EML6: variants seen among roughly 807,000 people sequenced by gnomAD.
EML6 encodes the protein echinoderm microtubule-associated protein-like 6.
EML6 carries 154 observed loss-of-function variants against 240.1 expected under a neutral mutation model. The observed-to-expected ratio is 0.64, with a 90% CI of 0.56 to 0.73. The LOEUF (loss-of-function observed/expected upper bound fraction) is 0.73. EML6 is among the 30% of genes least tolerant of loss of function. The pLI is 0.00. For synonymous variants in EML6, 1,148 were observed against 899.0 expected, an observed-to-expected ratio of 1.28 and a Z score of -4.95; for missense variants, 2,964 against 2,474.6, an observed-to-expected ratio of 1.20 and a Z score of -4.20.
chr2:54,899,515 A>T, intron 21 of EML6, 126 bp from the exon 22 acceptor site: 2 of 939,866 alleles, frequency 2.1e-6, no homozygotes, highest in African/African-American at 3.4e-5. Flanking sequence ...AGGAAGCTCA[A>T]AGTGTGTTTA....
rs1235007190 is a variant in EML6, at chr2:54,963,973, T to C, written c.5158-13T>C. 3 of 1,543,468 alleles carry C rather than the reference T, an allele frequency of 1.9e-6. No individual in the cohort carries two copies. The Admixed American group carries it at 6.1e-5, about 31-fold the overall frequency. Reference sequence around the variant, plus strand: ...GCCAAGAGCTCAGGTGACTTTCCTTTGCATCAATGTAGAAGCTGTTAAACA... The same window carrying C: ...GCCAAGAGCTCAGGTGACTTTCCTTCGCATCAATGTAGAAGCTGTTAAACA... On this transcript the variant is annotated splice_polypyrimidine_tract_variant and intron_variant, in intron 36 of 41. Transcript: ENST00000356458.
In EML6 at chr2:54,970,224, CA is replaced by C; in HGVS notation, c.*133del. 1.2e-6 allele frequency: 1 copy of C among 864,480 alleles called. No homozygotes were observed. Among genetic ancestry groups the C allele is most frequent in the Admixed American group, 2.1e-5 (1 of 48,744 alleles). 53.6% of individuals were successfully genotyped at this position (864,480 alleles called of 1,614,324 possible). A position where few individuals can be genotyped will look rare whatever the true frequency, so the allele number is the denominator to read the frequency against. ...CCATGCTGCCCCGGATGCACAAGCT[CA>C]AAACGCTGCAGAAGTTACACAACTG... On this transcript the variant is annotated 3_prime_UTR_variant, in exon 42 of 42. Transcript: ENST00000356458.
intron 28 of EML6, among the ~76,000 whole-genome samples, chr2:54,945,418 A>G (rs1486561256): frequency 6.6e-6 from 1 of 151,654 alleles, no homozygotes; most frequent in Non-Finnish European, 1.5e-5. Context: ...ACATTGTCTG[A>G]TGAACACGAC....
At chr2:54,792,774 T>TATAGAAATACGAC (rs1669523671) in intron 2 of EML6, among the ~76,000 whole-genome samples, 1 of 152,236 alleles carries the variant, frequency 6.6e-6, no homozygotes, top group African/African-American at 2.4e-5. Context: ...AGAAATACGC[T>TATAGAAATACGAC]ATAGAAATAC....
At chr2:54,833,333 A>G (rs116517750) in intron 7 of EML6, among the ~76,000 whole-genome samples, 3 of 152,238 alleles carry the variant, frequency 2.0e-5, no homozygotes, top group African/African-American at 7.2e-5. Flanking sequence ...CAAGATTGGC[A>G]TACATTTGCA....
At chr2:54,856,737 C>G (rs972044068) in intron 11 of EML6, among the ~76,000 whole-genome samples, 1 of 152,200 alleles carries the variant, frequency 6.6e-6, no homozygotes, top group African/African-American at 2.4e-5. Flanking sequence ...CTGGCCACTA[C>G]TAGAAATCAG....
At chr2:54,899,466 T>G (rs1379749881) in intron 21 of EML6, among the ~76,000 whole-genome samples, 175 bp from the exon 22 acceptor site, 1 of 151,808 alleles carries the variant, frequency 6.6e-6, no homozygotes, top group African/African-American at 2.4e-5. Flanking sequence ...AGATTCAAGT[T>G]TAAATGAAAA....
At chr2:54,834,269 C>T (rs535225996) in intron 7 of EML6, among the ~76,000 whole-genome samples, 37 of 152,300 alleles carry the variant, frequency 2.4e-4, no homozygotes, top group African/African-American at 8.4e-4. Flanking sequence ...AACTTCACAA[C>T]AGTGCATGCT....
chr2:54,794,083 A>G (rs538247604), intron 2 of EML6, among the ~76,000 whole-genome samples: 2 of 152,256 alleles, frequency 1.3e-5, no homozygotes, highest in South Asian at 4.1e-4. Context: ...TATATTCCAT[A>G]TATTATCTCA....
chr2:54,893,842 T>C (rs1366757540), intron 19 of EML6, among the ~76,000 whole-genome samples: 1 of 152,068 alleles, frequency 6.6e-6, no homozygotes, highest in Non-Finnish European at 1.5e-5. Flanking sequence ...AGGTGTTGTT[T>C]TGTTTTGTTT....
intron 2 of EML6, among the ~76,000 whole-genome samples, chr2:54,783,715 T>G (rs1668953091): frequency 6.6e-6 from 1 of 152,210 alleles, no homozygotes; most frequent in Admixed American, 6.5e-5. Context: ...GAAGACAAGA[T>G]TTTTAAAAAT....
intron 2 of EML6, among the ~76,000 whole-genome samples, chr2:54,739,727 C>T (rs973080400): frequency 5.3e-5 from 8 of 152,194 alleles, no homozygotes; most frequent in South Asian, 4.2e-4. Context: ...TCATGGGAGG[C>T]GGTTGGTGGT....
intron 16 of EML6, among the ~76,000 whole-genome samples, chr2:54,878,365 C>G (rs1671618494): frequency 1.3e-5 from 2 of 152,152 alleles, no homozygotes; most frequent in African/African-American, 4.8e-5. Flanking sequence ...CCCTGATATA[C>G]TGATGCAGGA....
chr2:54,810,592 G>T (rs1667785404), intron 2 of EML6, among the ~76,000 whole-genome samples: 1 of 152,180 alleles, frequency 6.6e-6, no homozygotes, highest in East Asian at 1.9e-4. Context: ...TCTTGAAAGT[G>T]TTTCTGGCCT....
intron 4 of EML6, among the ~76,000 whole-genome samples, chr2:54,818,869 AATT>A (rs1407917489): frequency 6.6e-6 from 1 of 152,236 alleles, no homozygotes; most frequent in Non-Finnish European, 1.5e-5. Context: ...TACCAGTATG[AATT>A]ATTGACTGCT....
Position 54,916,842 on chromosome 2 carries a change from T to C in EML6, c.3582T>C (p.Thr1194=). The change falls in exon 26 of 42, where the codon ACT becomes ACC. Residue 1194 remains threonine (T), a synonymous_variant. Transcript: ENST00000356458. ...EGIWPAHSDI[T]DVNAASLTKD... ...TCTGGCCAGCACATAGCGATATAAC[T>C]GACGTAAATGCTGCCAGTCTTACCA... 6.4e-7 allele frequency: 1 copy of C among 1,551,122 alleles called. No individual in the cohort carries two copies. The highest frequency in any genetic ancestry group is 1.4e-5 in the African/African-American group (1 of 73,176).
chr2:54,962,000 C>T (rs62134814), intron 35 of EML6, among the ~76,000 whole-genome samples: 82,734 of 150,528 alleles, frequency 0.55, 25,838 homozygotes, highest in Middle Eastern at 0.71. Flanking sequence ...TGAGACCCTG[C>T]CTCAAAAAAC....
intron 2 of EML6, among the ~76,000 whole-genome samples, chr2:54,727,992 G>C (rs1315260383): frequency 6.6e-6 from 1 of 152,178 alleles, no homozygotes; most frequent in Non-Finnish European, 1.5e-5. Flanking sequence ...ATATGTCTAA[G>C]TCAGATTTTT....
intron 17 of EML6, among the ~76,000 whole-genome samples, chr2:54,890,337 C>G (rs963119276): frequency 6.6e-6 from 1 of 152,054 alleles, no homozygotes; most frequent in Non-Finnish European, 1.5e-5. Context: ...TTTTTAATTG[C>G]TTTTTTTACA....
Sources: allele counts gnomAD v4.1 joint callset (sites outside exome capture counted in the v4.1 genomes callset), GRCh38; gene constraint gnomAD v4.1.1; transcripts MANE v1.5; gene names NCBI Gene and HGNC (gene_info 2026-07-23, HGNC 2026-07-21).